The following CCNB3 variants were observed in gnomAD, a reference collection of about 807,000 sequenced individuals.
CCNB3 encodes the protein G2/mitotic-specific cyclin-B3.
Under a neutral mutation model 68.0 loss-of-function variants are expected in CCNB3, and 12 were observed. That is an observed-to-expected ratio of 0.18 (90% CI 0.11 to 0.29). The LOEUF (loss-of-function observed/expected upper bound fraction) is 0.29, where lower values mean the gene tolerates loss of function less well. Ranked by LOEUF, CCNB3 falls within the 10% of genes least tolerant of loss-of-function variation. The pLI, the probability that CCNB3 is intolerant of heterozygous loss-of-function variation, is 1.00. For missense variants in CCNB3, 904 were observed against 993.1 expected (o/e 0.91, Z 1.21); for synonymous variants, 354 against 388.9 (o/e 0.91, Z 1.06).
intron 9 of CCNB3, among the ~76,000 whole-genome samples, chrX:50,344,650 A>G (rs1923308154): frequency 8.9e-6 from 1 of 111,781 alleles, no homozygotes; most frequent in Admixed American, 9.5e-5. Context: ...CATCTAGTGG[A>G]GTCTCAATCT....
chrX:50,310,776 G>T lies in CCNB3; in HGVS notation c.2607G>T (p.Glu869Asp). The stretch of plus-strand genomic sequence containing the variant: ...CCTTGCAGGAGAAGCCCAGCATTGA[G>T]CAGGAGGCCCTCTTTAAGCGACACT... ...TLALQEKPSI[E>D]QEALFKRHSA... Residue 869 changes from glutamate to aspartate, a missense_variant, in exon 6 of 13, where the codon GAG becomes GAT. Transcript: ENST00000376042. 1 of 1,211,443 alleles carries T rather than the reference G, an allele frequency of 8.3e-7. No individual in the cohort carries two copies. Among genetic ancestry groups the T allele is most frequent in the Non-Finnish European group, 1.1e-6 (1 of 895,373 alleles).
At chrX:50,203,791 T>A (rs1331996110), upstream of CCNB3, among the ~76,000 whole-genome samples, 1 of 111,681 alleles carries the variant, frequency 9.0e-6, no homozygotes, top group Non-Finnish European at 1.9e-5. Context: ...GTCTTAGGAA[T>A]GTTAGGGGTT....
rs1157777326 is a variant in CCNB3, at chrX:50,312,716, G to T, written c.3423+84G>T. On this transcript the variant is annotated intron_variant, in intron 7 of 12. Transcript: ENST00000376042. ...TCCTTCAGTGTGCAAGTTGAAAGGG[G>T]TGGTAATAATGATGATAAAAATAAT... The T allele has an allele frequency of 1.5e-5, 9 of 598,524 alleles. No individual in the cohort carries two copies. In the African/African-American group the frequency reaches 1.8e-4, roughly 12 times the overall value. 49.3% of individuals were successfully genotyped at this position (598,524 alleles called of 1,213,427 possible).
intron 11 of CCNB3, 140 bp from the exon 12 acceptor site, chrX:50,351,101 C>T (rs1923656682): frequency 1.1e-5 from 7 of 639,292 alleles, no homozygotes; most frequent in Non-Finnish European, 1.7e-5. Flanking sequence ...GATCAGCGTC[C>T]AGATGGTGTG....
At chrX:50,203,851 C>T (rs1043260844), upstream of CCNB3, among the ~76,000 whole-genome samples, 6 of 111,492 alleles carry the variant, frequency 5.4e-5, no homozygotes, top group Non-Finnish European at 1.1e-4. Flanking sequence ...GTTCCATAAC[C>T]TTGCGGTAGA....
chrX:50,206,138 G>T (rs1428159321), intron 1 of CCNB3, among the ~76,000 whole-genome samples: 2 of 110,510 alleles, frequency 1.8e-5, no homozygotes, highest in Non-Finnish European at 3.8e-5. Flanking sequence ...AGCTACTTGG[G>T]AGGCTGAGGC....
At position 50,344,277 on chromosome X, in the gene CCNB3, A is replaced by G. The variant is rs141323127; in HGVS notation, c.3654+1938A>G. Among the ~76,000 whole-genome samples, 307 of 112,312 alleles carry G rather than the reference A, an allele frequency of 2.7e-3. 3 individuals are homozygous for G. Among genetic ancestry groups the G allele is most frequent in the African/African-American group, 9.4e-3 (292 of 30,962 alleles). On this transcript the variant is annotated intron_variant, in intron 9 of 12. Transcript: ENST00000376042. ...TGATCTTCTCACAATGATGAAAATG[A>G]TGCATTTCTCTTAACATATCCCTCT...
At chrX:50,203,315 T>C (rs1055709975), upstream of CCNB3, among the ~76,000 whole-genome samples, 1 of 112,428 alleles carries the variant, frequency 8.9e-6, no homozygotes, top group African/African-American at 3.2e-5. Context: ...AAAAGGAAAT[T>C]AAATGAAGTG....
At chrX:50,327,292 A>G (rs1176651882) in intron 8 of CCNB3, among the ~76,000 whole-genome samples, 1 of 112,479 alleles carries the variant, frequency 8.9e-6, no homozygotes, top group Non-Finnish European at 1.9e-5. Context: ...TATAGGAGAC[A>G]TAATAACTAT....
chrX:50,214,509 T>TATATATATATATATA (rs1935535542), intron 1 of CCNB3, among the ~76,000 whole-genome samples: 3 of 68,151 alleles, frequency 4.4e-5, no homozygotes, highest in Non-Finnish European at 5.9e-5. Flanking sequence ...TATATATATA[T>TATATATATATATATA]TTTAGCTGTG....
rs181155453 is a variant in CCNB3 at position 50,298,813 on chromosome X, T to C, written c.335+3820T>C. ...TAATTATTGCCTCAATTTCAGAGTC[T>C]GTTATTTGTCTATTCAGAGATTCAA... is the stretch of plus-strand genomic sequence containing the variant. On this transcript the variant is annotated intron_variant, in intron 5 of 12. Transcript: ENST00000376042. Among the ~76,000 whole-genome samples, 44 of 111,906 alleles carry C rather than the reference T, an allele frequency of 3.9e-4. 1 individual carries two copies. The highest frequency in any genetic ancestry group is 4.7e-3 in the Middle Eastern group (1 of 215).
intron 5 of CCNB3, among the ~76,000 whole-genome samples, chrX:50,297,463 G>A (rs1308097575): frequency 9.0e-6 from 1 of 111,265 alleles, no homozygotes; most frequent in Non-Finnish European, 1.9e-5. Flanking sequence ...TATTTCTGAG[G>A]GCTCTGTTCT....
At chrX:50,330,033 G>A (rs1420567291) in intron 8 of CCNB3, among the ~76,000 whole-genome samples, 1 of 111,622 alleles carries the variant, frequency 9.0e-6, no homozygotes, top group Non-Finnish European at 1.9e-5. Flanking sequence ...AGAACCCCTC[G>A]GACACCGAGT....
rs141599713 is a variant in CCNB3 at position 50,310,076 on chromosome X, C to A, written c.1907C>A (p.Ser636Tyr). 2.2e-5 allele frequency: 27 copies of A among 1,207,767 alleles called. No homozygotes were observed. The highest frequency in any genetic ancestry group is 5.2e-5 in the African/African-American group (3 of 57,243). ...TCTACAACGGAAGAAAAGTTCCTCT[C>A]CCAGGAACCATCTGCATTGAAAGAG... is the stretch of plus-strand genomic sequence containing the variant. ...MKSTTEEKFL[S>Y]QEPSALKEKH... Residue 636 changes from serine to tyrosine, a missense_variant, in exon 6 of 13, where the codon TCC becomes TAC. This residue lies in a region of CCNB3 where 619 missense variants were observed against 609.8 expected (regional missense o/e 1.02). Transcript: ENST00000376042.
At chrX:50,317,120 A>T (rs782415733) in intron 8 of CCNB3, among the ~76,000 whole-genome samples, 1 of 112,420 alleles carries the variant, frequency 8.9e-6, no homozygotes, top group East Asian at 2.8e-4. Flanking sequence ...TATTTTAACC[A>T]TCTAATAGGT....
chrX:50,351,165 T>G (rs1557221089), intron 11 of CCNB3, 76 bp from the exon 12 acceptor site: 1 of 1,122,005 alleles, frequency 8.9e-7, no homozygotes, highest in Non-Finnish European at 1.2e-6. Flanking sequence ...GTGGGAAGCT[T>G]AGACTTGGGA....
In CCNB3 at chrX:50,295,944, G is replaced by A. The variant is rs1231891672; in HGVS notation, c.335+951G>A. ...ACTGGGTAACTCTAGAAAATAACACGCACAGTCCACAGGATATTGTGCTAA... is the reference window on the plus strand; with the variant it reads ...ACTGGGTAACTCTAGAAAATAACACACACAGTCCACAGGATATTGTGCTAA... On this transcript the variant is annotated intron_variant, in intron 5 of 12. Transcript: ENST00000376042. 6.3e-5 allele frequency among the ~76,000 whole-genome samples: 7 copies of A among 110,964 alleles called. No homozygotes were observed. In the East Asian group the frequency reaches 1.4e-3, roughly 23 times the overall value.
chrX:50,316,993 T>C lies in CCNB3; in HGVS notation c.3516+3045T>C, dbSNP rs1921756003. ...ATCATTGGGACATATGGTAAGTGTA[T>C]GTTTAACTTAATTAGAAATTGCCAC... On this transcript the variant is annotated intron_variant, in intron 8 of 12. Transcript: ENST00000376042. 2.7e-5 allele frequency among the ~76,000 whole-genome samples: 3 copies of C among 112,497 alleles called. No homozygotes were observed. In the Admixed American group the frequency reaches 2.8e-4, roughly 11 times the overall value.
At chrX:50,218,692 T>C (rs1488671183) in intron 1 of CCNB3, among the ~76,000 whole-genome samples, 1 of 112,166 alleles carries the variant, frequency 8.9e-6, no homozygotes, top group Non-Finnish European at 1.9e-5. Context: ...TGATGGGCAT[T>C]TGGGTTGGTT....
Sources: allele counts gnomAD v4.1 joint callset (sites outside exome capture counted in the v4.1 genomes callset), GRCh38; gene constraint gnomAD v4.1.1; regional missense constraint gnomAD v4.1.1; transcripts MANE v1.5; gene names NCBI Gene and HGNC (gene_info 2026-07-23, HGNC 2026-07-21).